The following EML4 variants were observed in gnomAD, a reference collection of about 807,000 sequenced individuals.
The protein encoded by EML4 is EMAP like 4.
In EML4, 72 loss-of-function variants were observed where a neutral mutation model predicts 129.0. That is an observed-to-expected ratio of 0.56 (90% CI 0.46 to 0.68). The LOEUF is 0.68. EML4 is among the 30% of genes least tolerant of loss of function. EML4 has a pLI of 0.00. For synonymous variants in EML4, 532 were observed against 405.0 expected (o/e 1.31, Z -3.77); for missense variants, 1,363 against 1,190.6 (o/e 1.14, Z -2.13).
intron 17 of EML4, among the ~76,000 whole-genome samples, chr2:42,310,890 A>C (rs970843971): frequency 1.3e-5 from 2 of 152,234 alleles, no homozygotes; most frequent in Non-Finnish European, 2.9e-5. Flanking sequence ...AAGGTAAAAC[A>C]TAGTCCTTAC....
chr2:42,217,049 A>C (rs1281792935), intron 1 of EML4, among the ~76,000 whole-genome samples: 3 of 152,186 alleles, frequency 2.0e-5, no homozygotes, highest in Non-Finnish European at 4.4e-5. Context: ...TTGTTAAGTA[A>C]ATTTTCATTT....
chr2:42,325,602 TTATATATATATATATATATATA>T lies in EML4; in HGVS notation c.2242+64_2242+85del, dbSNP rs10530482. ...ATATATATATATGCTATGATTATAT[TTATATATATATATATATATATA>T]TATATATATATATATGCTAAGATGT... is the stretch of plus-strand genomic sequence containing the variant. On this transcript the variant is annotated intron_variant, in intron 20 of 22. Coordinates refer to ENST00000318522, the MANE Select transcript of EML4 (RefSeq NM_019063.5). 82 of 129,148 alleles carry T rather than the reference TTATATATATATATATATATATA, an allele frequency of 6.3e-4. 1 individual carries two copies. The highest frequency in any genetic ancestry group is 3.6e-3 in the East Asian group (14 of 3,908). 8.0% of individuals were successfully genotyped at this position (129,148 alleles called of 1,614,324 possible).
intron 3 of EML4, among the ~76,000 whole-genome samples, chr2:42,256,973 A>G (rs987332862): frequency 4.6e-5 from 7 of 152,246 alleles, no homozygotes; most frequent in Non-Finnish European, 1.0e-4. Context: ...GATATATTTG[A>G]TACAGCATTT....
chr2:42,199,992 G>T (rs1375960407), intron 1 of EML4, among the ~76,000 whole-genome samples: 1 of 152,002 alleles, frequency 6.6e-6, no homozygotes, highest in African/African-American at 2.4e-5. Context: ...CAGTGGCCGG[G>T]TAAATAAGGT....
At chr2:42,311,010 C>G (rs901300169) in intron 17 of EML4, among the ~76,000 whole-genome samples, 3 of 152,134 alleles carry the variant, frequency 2.0e-5, no homozygotes, top group Non-Finnish European at 4.4e-5. Flanking sequence ...GAATTAGTGT[C>G]TAATAATGTA....
chr2:42,228,541 A>T (rs1674123161), intron 1 of EML4, among the ~76,000 whole-genome samples: 3 of 152,220 alleles, frequency 2.0e-5, no homozygotes, highest in African/African-American at 4.8e-5. Flanking sequence ...ATAATTCAGA[A>T]GGTATAGCTT....
intron 1 of EML4, among the ~76,000 whole-genome samples, chr2:42,176,923 A>G (rs934199726): frequency 3.3e-5 from 5 of 152,096 alleles, no homozygotes; most frequent in African/African-American, 7.2e-5. Context: ...CCTTCCGACT[A>G]GGTGGTGTTA....
chr2:42,332,045 G>A lies in EML4; in HGVS notation c.*1838G>A. 4.5e-6 allele frequency: 1 copy of A among 222,722 alleles called. No individual in the cohort carries two copies. The highest frequency in any genetic ancestry group is 2.2e-5 in the African/African-American group (1 of 44,834). 13.8% of individuals were successfully genotyped at this position (222,722 alleles called of 1,614,324 possible). A position where few individuals can be genotyped will look rare whatever the true frequency, so the allele number is the denominator to read the frequency against. ...TATCGGAGCGCGCCAGTAAGTATCA[G>A]GCATATATATCTGTCTGTTAGCAAT... On this transcript the variant is annotated 3_prime_UTR_variant, in exon 23 of 23. Transcript: ENST00000318522.
chr2:42,296,690 C>G (rs1667975876), intron 13 of EML4, among the ~76,000 whole-genome samples: 1 of 152,186 alleles, frequency 6.6e-6, no homozygotes. Context: ...AAATAACTTT[C>G]ATCTTAACTT....
intron 6 of EML4, chr2:42,264,954 A>G (rs1323705449): frequency 7.7e-6 from 12 of 1,550,352 alleles, no homozygotes; most frequent in Non-Finnish European, 1.0e-5. Flanking sequence ...CAGCCAAGGT[A>G]AGAATAAGCT....
At chr2:42,283,891 T>C (rs1172830359) in intron 8 of EML4, among the ~76,000 whole-genome samples, 3 of 152,320 alleles carry the variant, frequency 2.0e-5, no homozygotes, top group Non-Finnish European at 4.4e-5. Flanking sequence ...TATGTAAATA[T>C]CCCTCTGATG....
chr2:42,176,409 C>T (rs1200404540), intron 1 of EML4, among the ~76,000 whole-genome samples: 1 of 152,214 alleles, frequency 6.6e-6, no homozygotes, highest in East Asian at 1.9e-4. Context: ...GCTATTCACC[C>T]TCTCAGATTG....
chr2:42,212,596 C>A (rs1197836669), intron 1 of EML4, among the ~76,000 whole-genome samples: 3 of 152,064 alleles, frequency 2.0e-5, no homozygotes, highest in Non-Finnish European at 4.4e-5. Context: ...TTCTTAATTT[C>A]TTTTAATTTA....
In EML4 at chr2:42,220,615, GTTC is replaced by G. The variant is rs368588380; in HGVS notation, c.26-24887_26-24885del. On this transcript the variant is annotated intron_variant, in intron 1 of 22. Coordinates refer to ENST00000318522, the MANE Select transcript of EML4 (RefSeq NM_019063.5). ...GAGGCCAGTTAATAATCCTACAATG[GTTC>G]TTAAGTGTTCAAGTGAAAGGAAGAG... 9.9e-5 allele frequency among the ~76,000 whole-genome samples: 15 copies of G among 152,162 alleles called. No individual in the cohort carries two copies. In the East Asian group the frequency reaches 2.3e-3, roughly 23 times the overall value.
chr2:42,312,353 C>T (rs1400773659), intron 17 of EML4, among the ~76,000 whole-genome samples: 2 of 152,000 alleles, frequency 1.3e-5, no homozygotes, highest in Admixed American at 6.5e-5. Context: ...GGTCATGCCT[C>T]GTTATAACCT....
chr2:42,216,081 A>G (rs545351774), intron 1 of EML4, among the ~76,000 whole-genome samples: 6 of 151,764 alleles, frequency 4.0e-5, no homozygotes, highest in Admixed American at 2.0e-4. Context: ...CACCATGCCT[A>G]GCTAATTTTT....
intron 19 of EML4, among the ~76,000 whole-genome samples, chr2:42,318,285 G>A (rs1007304569): frequency 5.9e-5 from 9 of 152,170 alleles, no homozygotes; most frequent in African/African-American, 2.2e-4. Context: ...TCATTTTAGG[G>A]AAACAGATAA....
intron 6 of EML4, among the ~76,000 whole-genome samples, chr2:42,278,404 TG>T (rs1448513247): frequency 6.6e-6 from 1 of 151,852 alleles, no homozygotes; most frequent in African/African-American, 2.4e-5. Context: ...TGAAACCACA[TG>T]TCTACTAAAA....
At chr2:42,247,746 T>C (rs923445313) in intron 2 of EML4, among the ~76,000 whole-genome samples, 4 of 152,072 alleles carry the variant, frequency 2.6e-5, no homozygotes, top group African/African-American at 9.7e-5. Flanking sequence ...TTTGTTTGGT[T>C]ATGAATTGAT....
Sources: allele counts gnomAD v4.1 joint callset (sites outside exome capture counted in the v4.1 genomes callset), GRCh38; gene constraint gnomAD v4.1.1; transcripts MANE v1.5; gene names NCBI Gene and HGNC (gene_info 2026-07-23, HGNC 2026-07-21).